Variants in GRM7 observed in about 807,000 individuals in gnomAD.
GRM7 encodes the protein glutamate metabotropic receptor 7.
A neutral mutation model predicts 84.5 loss-of-function variants in GRM7; 35 were observed. The observed-to-expected ratio is 0.41, with a 90% CI of 0.32 to 0.55. The LOEUF is 0.55. Ranked by LOEUF, GRM7 falls within the 20% of genes least tolerant of loss-of-function variation. GRM7 has a pLI of 0.19. For synonymous variants in GRM7, 487 were observed against 455.1 expected (o/e 1.07, Z -0.89); for missense variants, 1,003 against 1,194.6 (o/e 0.84, Z 2.36).
intron 7 of GRM7, among the ~76,000 whole-genome samples, chr3:7,526,677 T>C (rs1053735042): frequency 1.3e-5 from 2 of 152,090 alleles, no homozygotes; most frequent in African/African-American, 2.4e-5. Context: ...TTTAAGTTTT[T>C]AACTCATCTT....
chr3:7,404,696 T>C (rs2125164167), intron 4 of GRM7, among the ~76,000 whole-genome samples: 1 of 152,248 alleles, frequency 6.6e-6, no homozygotes, highest in Admixed American at 6.5e-5. Context: ...TTCCAGATAC[T>C]GTCCCTTTAA....
intron 1 of GRM7, among the ~76,000 whole-genome samples, chr3:6,869,812 GC>G (rs1695060865): frequency 6.6e-6 from 1 of 152,200 alleles, no homozygotes; most frequent in African/African-American, 2.4e-5. Flanking sequence ...TGGAAGTCTG[GC>G]AGCCTTGAGC....
chr3:7,508,802 T>C (rs1438153593), intron 7 of GRM7, among the ~76,000 whole-genome samples: 1 of 152,194 alleles, frequency 6.6e-6, no homozygotes, highest in Non-Finnish European at 1.5e-5. Context: ...GATATTTTTA[T>C]TTACCATGCA....
chr3:7,104,301 G>C (rs1169227014), intron 1 of GRM7, among the ~76,000 whole-genome samples: 1 of 151,580 alleles, frequency 6.6e-6, no homozygotes, highest in Non-Finnish European at 1.5e-5. Flanking sequence ...TGCACACCAA[G>C]CAGAGGCCTT....
chr3:7,412,911 A>C (rs1380396879), intron 4 of GRM7, among the ~76,000 whole-genome samples: 1 of 152,096 alleles, frequency 6.6e-6, no homozygotes, highest in Non-Finnish European at 1.5e-5. Flanking sequence ...AACTAATAGT[A>C]ATGCTATATG....
rs531648392 is a variant in GRM7 at position 7,215,664 on chromosome 3, C to CAAAA, written c.736+69000_736+69003dup. On this transcript the variant is annotated intron_variant, in intron 2 of 9. Transcript: ENST00000357716. ...TGGGCGACAGAGCGAGACTCTGTCT[C>CAAAA]AAAAAAATAAATAAATAAATAAATA... 3.1e-4 allele frequency among the ~76,000 whole-genome samples: 43 copies of CAAAA among 137,286 alleles called. No individual in the cohort carries two copies. In the East Asian group the frequency reaches 4.7e-3, roughly 15 times the overall value. 90.1% of individuals were successfully genotyped at this position (137,286 alleles called of 152,430 possible). A position where few individuals can be genotyped will look rare whatever the true frequency, so the allele number is the denominator to read the frequency against.
intron 8 of GRM7, among the ~76,000 whole-genome samples, chr3:7,637,907 A>G (rs1698175601): frequency 6.6e-6 from 1 of 152,214 alleles, no homozygotes; most frequent in Non-Finnish European, 1.5e-5. Context: ...TGATCTGACA[A>G]TTCTGACATC....
chr3:7,411,669 T>A (rs527677599), intron 4 of GRM7, among the ~76,000 whole-genome samples: 3 of 152,222 alleles, frequency 2.0e-5, no homozygotes, highest in Non-Finnish European at 4.4e-5. Context: ...GATTCATACA[T>A]GTTTTTGTGA....
rs548859956 is a variant in GRM7, at chr3:6,913,639, C to G, written c.519+51732C>G. On this transcript the variant is annotated intron_variant, in intron 1 of 9. Coordinates refer to ENST00000357716, the MANE Select transcript of GRM7 (RefSeq NM_000844.4). ...CATTTCTGGGTCTAGTTATAATAAA[C>G]CTTTTGGTTTCATTCTTTATTCATA... 2.6e-5 allele frequency among the ~76,000 whole-genome samples: 4 copies of G among 152,270 alleles called. No individual in the cohort carries two copies. The East Asian group carries it at 7.7e-4, about 29-fold the overall frequency.
chr3:7,520,832 C>A (rs945818767), intron 7 of GRM7, among the ~76,000 whole-genome samples: 4 of 152,184 alleles, frequency 2.6e-5, no homozygotes, highest in African/African-American at 9.7e-5. Flanking sequence ...ATGCTTCTGT[C>A]AGCTCATACA....
intron 8 of GRM7, among the ~76,000 whole-genome samples, chr3:7,671,970 A>G: frequency 6.6e-6 from 1 of 152,114 alleles, no homozygotes; most frequent in East Asian, 1.9e-4. Flanking sequence ...AACTTGCCCA[A>G]AGTCACCCAC....
intron 1 of GRM7, among the ~76,000 whole-genome samples, chr3:6,964,914 G>A (rs1693455243): frequency 6.6e-6 from 1 of 152,032 alleles, no homozygotes; most frequent in Admixed American, 6.6e-5. Context: ...TCTGTCCCTT[G>A]AATTTATGTT....
chr3:6,966,483 C>G (rs752088307), intron 1 of GRM7, among the ~76,000 whole-genome samples: 1 of 152,164 alleles, frequency 6.6e-6, no homozygotes, highest in Non-Finnish European at 1.5e-5. Context: ...AATACATATT[C>G]TTAGAGAGCA....
chr3:7,443,425 T>A (rs1032069466), intron 5 of GRM7, among the ~76,000 whole-genome samples: 8 of 150,928 alleles, frequency 5.3e-5, no homozygotes, highest in South Asian at 2.1e-4. Flanking sequence ...CTTTATAAAA[T>A]TTTTTTTTTC....
rs117039094 is a variant in GRM7 at position 7,715,874 on chromosome 3, T to C, written c.2699-24483T>C. On this transcript the variant is annotated intron_variant, in intron 9 of 9. Coordinates refer to ENST00000357716, the MANE Select transcript of GRM7 (RefSeq NM_000844.4). ...TCCTTCCTATTTCTTCTTCACTTGC[T>C]ACTGCAGGTATTTGTCTCTTCTCCC... is the stretch of plus-strand genomic sequence containing the variant. 4.3e-3 allele frequency among the ~76,000 whole-genome samples: 655 copies of C among 152,318 alleles called. 13 individuals carry two copies. In the East Asian group the frequency reaches 0.08, roughly 19 times the overall value.
At chr3:7,316,599 T>C (rs1700590374) in intron 4 of GRM7, among the ~76,000 whole-genome samples, 1 of 152,160 alleles carries the variant, frequency 6.6e-6, no homozygotes, top group Non-Finnish European at 1.5e-5. Context: ...GGTTTTTTAC[T>C]TGCATAACTA....
chr3:7,427,944 ATGTTTCTTTT>A (rs1696678638), intron 5 of GRM7, among the ~76,000 whole-genome samples: 2 of 152,122 alleles, frequency 1.3e-5, no homozygotes, highest in Admixed American at 1.3e-4. Context: ...TCAAAACCTT[ATGTTTCTTTT>A]TGTTTCTTTT....
intron 2 of GRM7, among the ~76,000 whole-genome samples, chr3:7,295,138 T>C (rs911703411): frequency 6.6e-6 from 1 of 152,242 alleles, no homozygotes; most frequent in African/African-American, 2.4e-5. Context: ...TCTAGCTTTA[T>C]ATTTTACACT....
chr3:7,131,447 A>G (rs1235850821), intron 1 of GRM7, among the ~76,000 whole-genome samples: 1 of 152,116 alleles, frequency 6.6e-6, no homozygotes, highest in Non-Finnish European at 1.5e-5. Flanking sequence ...CTAAGAGTGC[A>G]GTAACATATG....
Sources: gnomAD v4.1 joint callset for allele counts (sites outside exome capture counted in the v4.1 genomes callset) on GRCh38, gnomAD v4.1.1 for gene constraint, MANE v1.5 for transcripts, NCBI Gene and HGNC (gene_info 2026-07-23, HGNC 2026-07-21) for gene names.